The following SLCO1C1 variants were observed in gnomAD, a reference collection of about 807,000 sequenced individuals.
The protein encoded by SLCO1C1 is solute carrier organic anion transporter family member 1C1.
A neutral mutation model predicts 76.4 loss-of-function variants in SLCO1C1; 70 were observed. The observed-to-expected ratio is 0.92, with a 90% CI of 0.76 to 1.12. The LOEUF is 1.12. Ranked by LOEUF, SLCO1C1 falls within the 50% of genes most tolerant of loss-of-function variation. The pLI is 0.00. For synonymous variants in SLCO1C1, 306 were observed against 286.1 expected (o/e 1.07, Z -0.70); for missense variants, 912 against 823.8 (o/e 1.11, Z -1.31).
intron 7 of SLCO1C1, among the ~76,000 whole-genome samples, chr12:20,718,232 C>T (rs1380420864): frequency 6.6e-6 from 1 of 152,116 alleles, no homozygotes; most frequent in Non-Finnish European, 1.5e-5. Flanking sequence ...TAACATGCAG[C>T]AATAACCTAG....
rs1488686992 is a variant in SLCO1C1, at chr12:20,711,435, T to A, written c.454T>A (p.Ser152Thr). 6.2e-7 allele frequency: 1 copy of A among 1,613,768 alleles called. No individual in the cohort carries two copies. The highest frequency in any genetic ancestry group is 1.7e-5 in the Admixed American group (1 of 59,992). The change falls in exon 5 of 15, where the codon TCT becomes ACT. Residue 152 changes from serine to threonine, a missense_variant. By Grantham distance (58) the Ser-to-Thr change is moderately conservative. Transcript: ENST00000266509. ...SPSSNSTLSI[S>T]PCLLESSSQL... Reference sequence around the variant, plus strand: ...TTCCTCCAATTCCACTCTCAGCATCTCTCCGTGTCTCCTAGAGTCAAGCAG... The same window carrying A: ...TTCCTCCAATTCCACTCTCAGCATCACTCCGTGTCTCCTAGAGTCAAGCAG...
chr12:20,743,852 A>G (rs1181827698), intron 13 of SLCO1C1, among the ~76,000 whole-genome samples: 2 of 146,096 alleles, frequency 1.4e-5, no homozygotes, highest in Non-Finnish European at 3.0e-5. Context: ...TGAGTAGGTC[A>G]TACTTTAAAT....
chr12:20,712,163 G>C (rs1947140807), intron 5 of SLCO1C1, among the ~76,000 whole-genome samples: 1 of 152,118 alleles, frequency 6.6e-6, no homozygotes, highest in Admixed American at 6.5e-5. Flanking sequence ...GGCCATCTTA[G>C]ATACATGGAA....
In SLCO1C1 at chr12:20,736,907, A is replaced by G. The variant is rs1056386072; in HGVS notation, c.1383-200A>G. Among the ~76,000 whole-genome samples the G allele has an allele frequency of 2.0e-5, 3 of 152,314 alleles. No individual in the cohort carries two copies. The East Asian group carries it at 5.8e-4, about 29-fold the overall frequency. ...CATGTGAATTTGTAAACCTCTAAAG[A>G]TAACTTTCAAGAGAAAGCTGTTTAT... is the stretch of plus-strand genomic sequence containing the variant. On this transcript the variant is annotated intron_variant, in intron 10 of 14. Coordinates refer to ENST00000266509, the MANE Select transcript of SLCO1C1 (RefSeq NM_017435.5).
At chr12:20,739,567 G>C (rs1055517595) in intron 11 of SLCO1C1, among the ~76,000 whole-genome samples, 7 of 152,112 alleles carry the variant, frequency 4.6e-5, no homozygotes, top group African/African-American at 7.2e-5. Context: ...GGGGATGTTT[G>C]GAAAGGGCAA....
In SLCO1C1 at chr12:20,737,181, A is replaced by C; in HGVS notation, c.1457A>C (p.Lys486Thr). ...CNSRCKCSET[K>T]WEPMCGENGI... Reference sequence around the variant, plus strand: ...TCAAGATGCAAATGTTCAGAGACAAAATGGGAACCCATGTGCGGTGAAAAT... The same window carrying C: ...TCAAGATGCAAATGTTCAGAGACAACATGGGAACCCATGTGCGGTGAAAAT... The change falls in exon 11 of 15, where the codon AAA becomes ACA. Residue 486 changes from lysine to threonine, a missense_variant. Physicochemically the swap from Lys to Thr is moderately conservative, Grantham distance 78 (BLOSUM62 -1). Transcript: ENST00000266509. 6.4e-7 allele frequency: 1 copy of C among 1,567,422 alleles called. No individual in the cohort carries two copies. Among genetic ancestry groups the C allele is most frequent in the Non-Finnish European group, 8.6e-7 (1 of 1,163,062 alleles).
intron 5 of SLCO1C1, among the ~76,000 whole-genome samples, chr12:20,712,905 G>A (rs1246947665): frequency 6.6e-6 from 1 of 152,138 alleles, no homozygotes; most frequent in Non-Finnish European, 1.5e-5. Flanking sequence ...AATATGAAAG[G>A]GGGTAATAGA....
chr12:20,747,185 G>A (rs1949084746), intron 13 of SLCO1C1, among the ~76,000 whole-genome samples: 1 of 152,192 alleles, frequency 6.6e-6, no homozygotes, highest in South Asian at 2.1e-4. Context: ...AGCACTTTGG[G>A]AGGCTGAGGC....
intron 14 of SLCO1C1, 151 bp from the exon 15 acceptor site, chr12:20,752,155 C>T (rs1296015207): frequency 2.0e-6 from 1 of 507,406 alleles, no homozygotes; most frequent in East Asian, 3.1e-5. Context: ...CTGCCTTCAA[C>T]AGTCTGTCAG....
intron 5 of SLCO1C1, among the ~76,000 whole-genome samples, chr12:20,713,408 T>G (rs1273328620): frequency 6.6e-6 from 1 of 152,134 alleles, no homozygotes. Flanking sequence ...CACAACTAGT[T>G]AGGAAATATT....
rs1255306244 is a variant in SLCO1C1, at chr12:20,721,964, T to C, written c.936T>C (p.Ser312=). ...SQSREDSNSS[S]EKSKFIIDDH... ...GTAGAGAGGATTCTAATTCTTCCTCTGAGAAATCCAAGTTTATTATAGATG... is the reference window on the plus strand; with the variant it reads ...GTAGAGAGGATTCTAATTCTTCCTCCGAGAAATCCAAGTTTATTATAGATG... The change falls in exon 8 of 15, where the codon TCT becomes TCC. Residue 312 remains serine (S), a synonymous_variant. Coordinates refer to ENST00000266509, the MANE Select transcript of SLCO1C1 (RefSeq NM_017435.5). The C allele has an allele frequency of 1.2e-6, 2 of 1,614,008 alleles. No homozygotes were observed. The highest frequency in any genetic ancestry group is 1.7e-5 in the Admixed American group (1 of 60,000).
chr12:20,711,656 A>T, intron 5 of SLCO1C1, 146 bp downstream of exon 5: 1 of 778,812 alleles, frequency 1.3e-6, no homozygotes, highest in Non-Finnish European at 2.0e-6. Flanking sequence ...AAAAATTCCT[A>T]GAATATAAAG....
rs60349574 is a variant in SLCO1C1 at position 20,700,598 on chromosome 12, C to T, written c.130-720C>T. On this transcript the variant is annotated intron_variant, in intron 2 of 14. Transcript: ENST00000266509. ...TATCTCCTAATGCTGTCCCTCCCCG[C>T]TCCCCCAATCCCCCGAGAATAGTTG... Among the ~76,000 whole-genome samples the T allele has an allele frequency of 6.7e-3, 1,015 of 151,878 alleles. 5 individuals carry two copies. Among genetic ancestry groups the T allele is most frequent in the African/African-American group, 0.024 (979 of 41,438 alleles).
intron 3 of SLCO1C1, among the ~76,000 whole-genome samples, chr12:20,705,630 A>T (rs759156810): frequency 6.6e-6 from 1 of 152,110 alleles, no homozygotes; most frequent in Non-Finnish European, 1.5e-5. Flanking sequence ...TTACTAAAAA[A>T]TATTTGAGAG....
chr12:20,736,444 T>C (rs980990371), intron 10 of SLCO1C1, among the ~76,000 whole-genome samples: 3 of 151,990 alleles, frequency 2.0e-5, no homozygotes, highest in African/African-American at 7.2e-5. Flanking sequence ...AATAAATGGG[T>C]AAGTCATTGA....
chr12:20,748,813 A>G (rs572305549), intron 13 of SLCO1C1, among the ~76,000 whole-genome samples: 1 of 152,286 alleles, frequency 6.6e-6, no homozygotes, highest in East Asian at 1.9e-4. Flanking sequence ...GCAATACTAC[A>G]CACGTGATTT....
intron 9 of SLCO1C1, among the ~76,000 whole-genome samples, chr12:20,724,796 T>C (rs1459757713): frequency 2.7e-5 from 4 of 147,230 alleles, no homozygotes; most frequent in Non-Finnish European, 6.0e-5. Flanking sequence ...TGGACATTTG[T>C]GTTGTTTTCT....
chr12:20,750,594 A>C, intron 13 of SLCO1C1, 81 bp from the exon 14 acceptor site: 1 of 1,279,288 alleles, frequency 7.8e-7, no homozygotes, highest in Non-Finnish European at 1.1e-6. Context: ...AATTAGATTA[A>C]AGTAAGTGGT....
chr12:20,729,156 C>A (rs60997724), intron 9 of SLCO1C1, among the ~76,000 whole-genome samples: 4,197 of 152,022 alleles, frequency 0.028, 128 homozygotes, highest in African/African-American at 0.075. Context: ...GAAAGAGAAG[C>A]CTGGGGAGGG....
Sources: gnomAD v4.1 joint callset for allele counts (sites outside exome capture counted in the v4.1 genomes callset) on GRCh38, gnomAD v4.1.1 for gene constraint, MANE v1.5 for transcripts, NCBI Gene and HGNC (gene_info 2026-07-23, HGNC 2026-07-21) for gene names.